The following CEP85L variants were observed in gnomAD, a reference collection of about 807,000 sequenced individuals.
CEP85L encodes the protein centrosomal protein 85L.
In CEP85L, 60 loss-of-function variants were observed where a neutral mutation model predicts 100.3. The ratio of observed to expected loss-of-function variants is 0.60; its 90% confidence interval spans 0.49 to 0.74. CEP85L has a LOEUF of 0.74. Ranked by LOEUF, CEP85L falls within the 30% of genes least tolerant of loss-of-function variation. The probability of loss-of-function intolerance (pLI) is 0.00; values close to 1 mark genes in which losing one functional copy is unlikely to be tolerated. For synonymous variants in CEP85L, 319 were observed against 322.7 expected (o/e 0.99, Z 0.12); for missense variants, 973 against 936.2 (o/e 1.04, Z -0.51).
At chr6:118,631,405 T>C (rs1201639087) in intron 2 of CEP85L, among the ~76,000 whole-genome samples, 1 of 152,206 alleles carries the variant, frequency 6.6e-6, no homozygotes, top group Non-Finnish European at 1.5e-5. Context: ...TAGAAAACTG[T>C]GTGGCAGTTT....
chr6:118,468,525 G>A (rs1396697636), intron 12 of CEP85L, among the ~76,000 whole-genome samples: 1 of 152,184 alleles, frequency 6.6e-6, no homozygotes, highest in Non-Finnish European at 1.5e-5. Flanking sequence ...ATTATGTGTG[G>A]AGGAAGACAG....
At chr6:118,509,099 C>CA in intron 5 of CEP85L, among the ~76,000 whole-genome samples, 1 of 152,172 alleles carries the variant, frequency 6.6e-6, no homozygotes, top group East Asian at 1.9e-4. Context: ...TCACATACTT[C>CA]AAAATCCTAC....
Position 118,707,190 on chromosome 6 carries a change from CT to C in CEP85L, c.-28+2845del, listed in dbSNP as rs5879468. On this transcript the variant is annotated intron_variant, in intron 1 of 13. Transcript: ENST00000368488. The stretch of plus-strand genomic sequence containing the variant: ...TCCTTCTCATATTCCTCCTCATCTG[CT>C]TTTTTTTTTTTTTTCTTTTTTGAGA... 9.5e-4 allele frequency among the ~76,000 whole-genome samples: 129 copies of C among 135,820 alleles called. 1 individual carries two copies. The highest frequency in any genetic ancestry group is 2.7e-3 in the East Asian group (13 of 4,770). The allele number at this position is 135,820 out of a possible 152,430, so 89.1% of individuals were successfully genotyped here.
intron 1 of CEP85L, among the ~76,000 whole-genome samples, chr6:118,705,140 C>T (rs564740202): frequency 6.6e-6 from 1 of 152,182 alleles, no homozygotes; most frequent in African/African-American, 2.4e-5. Context: ...CACCCACACA[C>T]ACCCTTTTCC....
At chr6:118,491,943 T>C (rs1774606129) in intron 5 of CEP85L, 78 bp from the exon 6 acceptor site, 2 of 1,088,184 alleles carry the variant, frequency 1.8e-6, no homozygotes, top group Non-Finnish European at 2.7e-6. Flanking sequence ...AAATGAAGTA[T>C]AATATAAGGA....
rs1339916804 is a variant in CEP85L at position 118,559,323 on chromosome 6, C to T, written c.1020+6206G>A. On this transcript the variant is annotated intron_variant, in intron 3 of 12. Coordinates refer to ENST00000368491, the MANE Select transcript of CEP85L (RefSeq NM_001042475.3). ...TTCAAAATAAGTGTATAAAATGCAACTGTTGATTTCCTCAACATGGCTCAC... is the reference window on the plus strand; with the variant it reads ...TTCAAAATAAGTGTATAAAATGCAATTGTTGATTTCCTCAACATGGCTCAC... The T allele has an allele frequency of 8.2e-6, 4 of 485,702 alleles. No homozygotes were observed. In the East Asian group the frequency reaches 1.2e-4, roughly 15 times the overall value. The allele number at this position is 485,702 out of a possible 1,614,324, so 30.1% of individuals were successfully genotyped here.
intron 3 of CEP85L, among the ~76,000 whole-genome samples, chr6:118,536,451 TTACTG>T (rs764386215): frequency 2.8e-4 from 42 of 152,306 alleles, no homozygotes; most frequent in African/African-American, 9.6e-4. Flanking sequence ...CCTATGTACT[TTACTG>T]TATGTTAGAC....
chr6:118,536,352 A>C (rs982160484), intron 3 of CEP85L, among the ~76,000 whole-genome samples: 2 of 152,176 alleles, frequency 1.3e-5, no homozygotes, highest in African/African-American at 4.8e-5. Flanking sequence ...TGGGCATTAG[A>C]AATTTTGTAT....
intron 1 of CEP85L, among the ~76,000 whole-genome samples, chr6:118,661,447 T>C (rs1001432394): frequency 2.6e-5 from 4 of 152,126 alleles, no homozygotes; most frequent in African/African-American, 4.8e-5. Flanking sequence ...AGGTTTGTTA[T>C]TATTCTTTTT....
At chr6:118,706,644 T>C (rs1332798478) in intron 1 of CEP85L, among the ~76,000 whole-genome samples, 1 of 152,242 alleles carries the variant, frequency 6.6e-6, no homozygotes, top group African/African-American at 2.4e-5. Flanking sequence ...CTTCCAGTAT[T>C]CACTTCTCTT....
At chr6:118,595,667 T>C (rs909124970) in intron 2 of CEP85L, among the ~76,000 whole-genome samples, 1 of 152,230 alleles carries the variant, frequency 6.6e-6, no homozygotes, top group African/African-American at 2.4e-5. Context: ...ATATAATGCA[T>C]GAAGTATAAT....
chr6:118,642,729 C>T (rs1774957594), intron 1 of CEP85L, among the ~76,000 whole-genome samples: 1 of 152,034 alleles, frequency 6.6e-6, no homozygotes, highest in South Asian at 2.1e-4. Context: ...GCCTGGCCAA[C>T]ACGGTGAAAC....
chr6:118,612,152 A>G (rs936196615), intron 2 of CEP85L, among the ~76,000 whole-genome samples: 2 of 152,176 alleles, frequency 1.3e-5, no homozygotes, highest in Admixed American at 6.5e-5. Flanking sequence ...TACAATGGAA[A>G]AAACTAGAAA....
At chr6:118,481,212 C>T (rs1773757181) in intron 8 of CEP85L, among the ~76,000 whole-genome samples, 1 of 151,490 alleles carries the variant, frequency 6.6e-6, no homozygotes, top group East Asian at 1.9e-4. Flanking sequence ...ATTTTACTGG[C>T]CCCTTTTTCG....
chr6:118,661,205 G>T (rs1413743578), intron 1 of CEP85L, among the ~76,000 whole-genome samples: 1 of 151,942 alleles, frequency 6.6e-6, no homozygotes, highest in African/African-American at 2.4e-5. Context: ...AATTTTCAAA[G>T]GAAAAATGGA....
intron 1 of CEP85L, among the ~76,000 whole-genome samples, chr6:118,646,213 T>C (rs994087019): frequency 6.6e-6 from 1 of 152,110 alleles, no homozygotes; most frequent in Non-Finnish European, 1.5e-5. Context: ...CAAGATTCTG[T>C]CTAAAAAAAA....
At chr6:118,571,554 T>C (rs1479752197) in intron 2 of CEP85L, among the ~76,000 whole-genome samples, 1 of 152,206 alleles carries the variant, frequency 6.6e-6, no homozygotes, top group Admixed American at 6.5e-5. Context: ...AATGAAAACA[T>C]TGATTCTATC....
chr6:118,502,040 CAAG>C (rs1321055743), intron 5 of CEP85L: 8 of 835,896 alleles, frequency 9.6e-6, no homozygotes, highest in Non-Finnish European at 1.6e-5. Flanking sequence ...CCAGATGGAA[CAAG>C]AAGACTGGGA....
At position 118,463,071 on chromosome 6, in the gene CEP85L, T is replaced by G. The variant is rs1460338420; in HGVS notation, c.*2334A>C. On this transcript the variant is annotated 3_prime_UTR_variant, in exon 13 of 13. Transcript: ENST00000368491. ...TGAAATGCATCAGCAGTAGTTTTGTTAACTTCCTACTAAGTCAGAAATTTT... is the reference window on the plus strand; with the variant it reads ...TGAAATGCATCAGCAGTAGTTTTGTGAACTTCCTACTAAGTCAGAAATTTT... The G allele has an allele frequency of 6.6e-6, 1 of 151,988 alleles. No homozygotes were observed. Among genetic ancestry groups the G allele is most frequent in the African/African-American group, 2.4e-5 (1 of 41,432 alleles). The allele number at this position is 151,988 out of a possible 1,614,324, so 9.4% of individuals were successfully genotyped here. A position where few individuals can be genotyped will look rare whatever the true frequency, so the allele number is the denominator to read the frequency against.
Sources: gnomAD v4.1 joint callset for allele counts (sites outside exome capture counted in the v4.1 genomes callset) on GRCh38, gnomAD v4.1.1 for gene constraint, MANE v1.5 for transcripts, NCBI Gene and HGNC (gene_info 2026-07-23, HGNC 2026-07-21) for gene names.